Variants in RPS6KA2 observed in about 807,000 individuals in gnomAD.
RPS6KA2 encodes ribosomal protein S6 kinase A2.
RPS6KA2 carries 42 observed loss-of-function variants against 91.8 expected under a neutral mutation model. That is an observed-to-expected ratio of 0.46 (90% CI 0.36 to 0.59). RPS6KA2 has a LOEUF of 0.59. RPS6KA2 is among the 20% of genes least tolerant of loss of function. RPS6KA2 has a pLI of 0.00. For synonymous variants in RPS6KA2, 414 were observed against 393.6 expected (o/e 1.05, Z -0.61); for missense variants, 798 against 978.5 (o/e 0.82, Z 2.46).
At chr6:166,687,106 A>T (rs1789046143) in intron 2 of RPS6KA2, among the ~76,000 whole-genome samples, 1 of 152,092 alleles carries the variant, frequency 6.6e-6, no homozygotes, top group Non-Finnish European at 1.5e-5. Context: ...GTGGAGATCC[A>T]GACACAGACA....
intron 2 of RPS6KA2, among the ~76,000 whole-genome samples, chr6:166,654,853 G>A (rs899038200): frequency 7.2e-5 from 11 of 152,114 alleles, no homozygotes; most frequent in African/African-American, 1.4e-4. Context: ...TCTGCCTGCC[G>A]GGTCGCCTTT....
intron 2 of RPS6KA2, among the ~76,000 whole-genome samples, chr6:166,824,651 G>C (rs1562458346): frequency 7.2e-6 from 1 of 139,606 alleles, no homozygotes; most frequent in African/African-American, 2.5e-5. Flanking sequence ...ATGTCTGTGT[G>C]TGTGTGTGTG....
chr6:166,722,800 C>T (rs1182307795), intron 2 of RPS6KA2, among the ~76,000 whole-genome samples: 3 of 152,224 alleles, frequency 2.0e-5, no homozygotes, highest in Non-Finnish European at 2.9e-5. Context: ...TAGACTTTAC[C>T]TCCAGTGACA....
intron 2 of RPS6KA2, among the ~76,000 whole-genome samples, chr6:166,810,262 A>T (rs1171466108): frequency 6.6e-6 from 1 of 152,110 alleles, no homozygotes; most frequent in Non-Finnish European, 1.5e-5. Flanking sequence ...TCAAGATGAG[A>T]TTTTGGGTGG....
intron 2 of RPS6KA2, chr6:166,702,198 T>C (rs1218741687): frequency 4.4e-6 from 7 of 1,607,280 alleles, no homozygotes; most frequent in South Asian, 1.1e-5. Context: ...TCTTTTCCTA[T>C]AATGGCTCCA....
intron 2 of RPS6KA2, among the ~76,000 whole-genome samples, chr6:166,760,582 T>G (rs1778141351): frequency 6.6e-6 from 1 of 152,238 alleles, no homozygotes; most frequent in Non-Finnish European, 1.5e-5. Context: ...GTTAGATCAG[T>G]GCAAGCCACG....
chr6:166,470,091 C>A lies in RPS6KA2; in HGVS notation c.908-186G>T, dbSNP rs545620477. Among the ~76,000 whole-genome samples the A allele has an allele frequency of 2.0e-5, 3 of 152,368 alleles. No individual in the cohort carries two copies. In the East Asian group the frequency reaches 5.8e-4, roughly 29 times the overall value. On this transcript the variant is annotated intron_variant, in intron 10 of 20. Transcript: ENST00000265678. Reference sequence around the variant, plus strand: ...ATGCCCCCAGCTCAGAAAGCCACGACTCAGCCCCGAGGGCTTGTGAGGCAG... The same window carrying A: ...ATGCCCCCAGCTCAGAAAGCCACGAATCAGCCCCGAGGGCTTGTGAGGCAG...
At chr6:166,676,523 T>C (rs1187455751) in intron 2 of RPS6KA2, among the ~76,000 whole-genome samples, 1 of 152,118 alleles carries the variant, frequency 6.6e-6, no homozygotes, top group Non-Finnish European at 1.5e-5. Flanking sequence ...AGATTCCTCT[T>C]GATTTGAAGT....
chr6:166,761,604 G>A (rs1046683139), intron 2 of RPS6KA2, among the ~76,000 whole-genome samples: 3 of 152,278 alleles, frequency 2.0e-5, no homozygotes, highest in African/African-American at 4.8e-5. Flanking sequence ...CATCTGTTTC[G>A]TGTTTCCATT....
At chr6:166,674,007 G>T (rs1030927908) in intron 2 of RPS6KA2, among the ~76,000 whole-genome samples, 1 of 152,208 alleles carries the variant, frequency 6.6e-6, no homozygotes, top group African/African-American at 2.4e-5. Flanking sequence ...TTCACAAAGC[G>T]TGTCAACAGC....
intron 2 of RPS6KA2, among the ~76,000 whole-genome samples, chr6:166,748,215 G>A (rs1051989583): frequency 2.6e-5 from 4 of 152,264 alleles, no homozygotes; most frequent in East Asian, 3.9e-4. Flanking sequence ...AGTGTGGCAC[G>A]TGCTGTCTTC....
Position 166,591,820 on chromosome 6 carries a change from A to G in RPS6KA2, c.99+35101T>C, listed in dbSNP as rs141248017. Among the ~76,000 whole-genome samples the G allele has an allele frequency of 2.8e-3, 432 of 152,278 alleles. 2 individuals carry two copies. Among genetic ancestry groups the G allele is most frequent in the African/African-American group, 9.8e-3 (409 of 41,566 alleles). Reference sequence around the variant, plus strand: ...AGCATTTAGTTTTTACTAAAATCTCATCAGTGTACCCACCATGGCCACCTT... The same window carrying G: ...AGCATTTAGTTTTTACTAAAATCTCGTCAGTGTACCCACCATGGCCACCTT... On this transcript the variant is annotated intron_variant, in intron 1 of 20. Transcript: ENST00000265678.
At chr6:166,688,868 C>T (rs1789104663) in intron 2 of RPS6KA2, among the ~76,000 whole-genome samples, 1 of 152,222 alleles carries the variant, frequency 6.6e-6, no homozygotes, top group African/African-American at 2.4e-5. Context: ...CGTAATTGTG[C>T]TCCTAAAAAA....
intron 1 of RPS6KA2, among the ~76,000 whole-genome samples, chr6:166,552,522 A>G (rs1218691399): frequency 2.0e-5 from 3 of 151,860 alleles, no homozygotes; most frequent in Non-Finnish European, 2.9e-5. Flanking sequence ...AAGAAATTGT[A>G]TTATAAAAGT....
rs549881001 is a variant in RPS6KA2 at position 166,732,742 on chromosome 6, C to A, written c.123+125458G>T. ...ATGGGGGTGCACCCAGGGCACAGCA[C>A]AGGGGCCCGGTCAGAGCCTCTTCCT... On this transcript the variant is annotated intron_variant, in intron 2 of 21. Transcript: ENST00000503859. This position sits in a 1 kb window ranked among gnomAD's most constrained non-coding sequence, Gnocchi z 4.0. Among the ~76,000 whole-genome samples the A allele has an allele frequency of 6.6e-6, 1 of 152,292 alleles. No individual in the cohort carries two copies. Among genetic ancestry groups the A allele is most frequent in the Admixed American group, 6.5e-5 (1 of 15,308 alleles).
intron 11 of RPS6KA2, among the ~76,000 whole-genome samples, chr6:166,468,627 G>C (rs1388572217): frequency 1.3e-5 from 2 of 151,938 alleles, no homozygotes; most frequent in African/African-American, 4.8e-5. Flanking sequence ...ACTTTGGGAG[G>C]CCAAGGTGGG....
At chr6:166,516,440 G>C (rs866543408) in intron 3 of RPS6KA2, among the ~76,000 whole-genome samples, 1 of 152,176 alleles carries the variant, frequency 6.6e-6, no homozygotes, top group Non-Finnish European at 1.5e-5. Flanking sequence ...GGGGAGGCAG[G>C]AGTGACTGCA....
At chr6:166,634,966 A>T (rs954157829) in intron 2 of RPS6KA2, among the ~76,000 whole-genome samples, 2 of 152,230 alleles carry the variant, frequency 1.3e-5, no homozygotes, top group East Asian at 3.8e-4. Flanking sequence ...CATCCTTAAA[A>T]ATCCACAGGA....
At position 166,469,323 on chromosome 6, in the gene RPS6KA2, G is replaced by GT. The variant is rs1173909271; in HGVS notation, c.972+517dup. Among the ~76,000 whole-genome samples, 480 of 101,460 alleles carry GT rather than the reference G, an allele frequency of 4.7e-3. 2 individuals carry two copies. The highest frequency in any genetic ancestry group is 9.9e-3 in the Admixed American group (94 of 9,488). The allele number at this position is 101,460 out of a possible 152,430, so 66.6% of individuals were successfully genotyped here. A position where few individuals can be genotyped will look rare whatever the true frequency, so the allele number is the denominator to read the frequency against. ...CAGTTTATTCCAACAACTCGGCACTGTTGTTTTTTTTTTTTTTTTTTAAAT... is the reference window on the plus strand; with the variant it reads ...CAGTTTATTCCAACAACTCGGCACTGTTTGTTTTTTTTTTTTTTTTTTAAAT... On this transcript the variant is annotated intron_variant, in intron 11 of 20. Transcript: ENST00000265678.
Sources: gnomAD v4.1 joint callset for allele counts (sites outside exome capture counted in the v4.1 genomes callset) on GRCh38, gnomAD v4.1.1 for gene constraint, Gnocchi (gnomAD v3.1) non-coding constraint, MANE v1.5 for transcripts, NCBI Gene and HGNC (gene_info 2026-07-23, HGNC 2026-07-21) for gene names.